Variants in CD99L2 observed in about 807,000 individuals in gnomAD.
CD99L2 encodes the protein CD99 antigen-like protein 2.
CD99L2 carries 24 observed loss-of-function variants against 27.3 expected under a neutral mutation model. The observed-to-expected ratio is 0.88, with a 90% CI of 0.64 to 1.24. The LOEUF is 1.24. Ranked by LOEUF, CD99L2 falls within the 50% of genes most tolerant of loss-of-function variation. The probability of loss-of-function intolerance (pLI) is 0.00; values close to 1 mark genes in which losing one functional copy is unlikely to be tolerated. For missense variants in CD99L2, 255 were observed against 221.6 expected (o/e 1.15, Z -0.96); for synonymous variants, 97 against 87.9 (o/e 1.10, Z -0.58).
intron 1 of CD99L2, among the ~76,000 whole-genome samples, chrX:150,836,620 C>G (rs1399757117): frequency 8.9e-6 from 1 of 111,846 alleles, no homozygotes; most frequent in African/African-American, 3.3e-5. Flanking sequence ...AGCCACTGCA[C>G]CCGGCCTAGC....
intron 2 of CD99L2, among the ~76,000 whole-genome samples, chrX:150,828,130 G>C (rs2046391764): frequency 9.0e-6 from 1 of 111,413 alleles, no homozygotes; most frequent in Non-Finnish European, 1.9e-5. Context: ...TGAATTTTAA[G>C]GTCAGCTTAT....
chrX:150,801,623 GAAAA>G (rs1393869441), intron 4 of CD99L2, among the ~76,000 whole-genome samples: 1 of 104,662 alleles, frequency 9.6e-6, no homozygotes, highest in African/African-American at 3.5e-5. Context: ...CCTTATTAAA[GAAAA>G]AAAAAACATA....
At chrX:150,796,185 G>C (rs1557419905) in intron 4 of CD99L2, among the ~76,000 whole-genome samples, 1 of 112,315 alleles carries the variant, frequency 8.9e-6, no homozygotes, top group Non-Finnish European at 1.9e-5. Context: ...GAGAGAAACA[G>C]CGATGTATCT....
intron 1 of CD99L2, among the ~76,000 whole-genome samples, chrX:150,887,393 C>A (rs1157173155): frequency 9.1e-6 from 1 of 109,335 alleles, no homozygotes; most frequent in Non-Finnish European, 1.9e-5. Context: ...TTGCAGCGAG[C>A]TGAGAGTGCG....
At chrX:150,777,827 G>C (rs1223387211) in intron 7 of CD99L2, among the ~76,000 whole-genome samples, 1 of 112,102 alleles carries the variant, frequency 8.9e-6, no homozygotes, top group Admixed American at 9.4e-5. Flanking sequence ...ATAAGTGGGG[G>C]GTGGGGTGGG....
At chrX:150,856,876 T>G (rs1164328544) in intron 1 of CD99L2, among the ~76,000 whole-genome samples, 3 of 108,809 alleles carry the variant, frequency 2.8e-5, no homozygotes, top group African/African-American at 1.0e-4. Flanking sequence ...AGTAAGACAA[T>G]TCAGGATATA....
chrX:150,841,406 G>A (rs2046621330), intron 1 of CD99L2, among the ~76,000 whole-genome samples: 2 of 112,050 alleles, frequency 1.8e-5, no homozygotes, highest in Admixed American at 1.9e-4. Context: ...ACGGTCAGGG[G>A]AAGGGAGAGG....
At chrX:150,822,937 T>C (rs1291054802) in intron 2 of CD99L2, among the ~76,000 whole-genome samples, 3 of 112,080 alleles carry the variant, frequency 2.7e-5, no homozygotes, top group African/African-American at 6.5e-5. Flanking sequence ...TGGGAGGTAA[T>C]TGAATCATGG....
intron 7 of CD99L2, among the ~76,000 whole-genome samples, chrX:150,792,604 C>T (rs2045709674): frequency 8.9e-6 from 1 of 112,067 alleles, no homozygotes; most frequent in Non-Finnish European, 1.9e-5. Flanking sequence ...CACTAGTAAC[C>T]ACAGCCAAGA....
chrX:150,779,687 A>T (rs914525894), intron 7 of CD99L2, among the ~76,000 whole-genome samples: 5 of 112,438 alleles, frequency 4.4e-5, no homozygotes, highest in African/African-American at 1.6e-4. Context: ...AAATAAAATT[A>T]CCCAACCCAA....
At chrX:150,778,683 A>T (rs1019917926) in intron 7 of CD99L2, among the ~76,000 whole-genome samples, 398 of 27,151 alleles carry the variant, frequency 0.015, 3 homozygotes, top group African/African-American at 0.029. Flanking sequence ...TAAAAAAAAA[A>T]AAATATATAT....
At chrX:150,865,853 G>T (rs1301855962) in intron 1 of CD99L2, among the ~76,000 whole-genome samples, 1 of 112,658 alleles carries the variant, frequency 8.9e-6, no homozygotes, top group Non-Finnish European at 1.9e-5. Flanking sequence ...AGGTGTGGTG[G>T]CTCCCACCTG....
intron 1 of CD99L2, among the ~76,000 whole-genome samples, chrX:150,846,901 G>A (rs782608956): frequency 8.9e-6 from 1 of 112,343 alleles, no homozygotes; most frequent in East Asian, 2.8e-4. Flanking sequence ...AACACCAATG[G>A]ATCCTGTGTA....
At chrX:150,889,686 A>G (rs11796490) in intron 1 of CD99L2, among the ~76,000 whole-genome samples, 31,853 of 111,127 alleles carry the variant, frequency 0.29, 3,462 homozygotes, top group African/African-American at 0.39. Context: ...TGTCATATCT[A>G]TAGGATTCAA....
rs2043353721 is a variant in CD99L2 at position 150,768,723 on chromosome X, G to T, written c.*311C>A. 3.1e-6 allele frequency: 1 copy of T among 320,472 alleles called. No individual in the cohort carries two copies. The highest frequency in any genetic ancestry group is 5.2e-6 in the Non-Finnish European group (1 of 193,108). 26.4% of individuals were successfully genotyped at this position (320,472 alleles called of 1,213,427 possible). A position where few individuals can be genotyped will look rare whatever the true frequency, so the allele number is the denominator to read the frequency against. On this transcript the variant is annotated 3_prime_UTR_variant, in exon 11 of 11. Transcript: ENST00000370377. ...GTCATCAGGCCTCAGCATCATCTTG[G>T]CCCCCGCATCCTGTGCTCAGTAAAG...
chrX:150,769,608 C>G (rs1485736048), intron 10 of CD99L2, among the ~76,000 whole-genome samples: 2 of 110,035 alleles, frequency 1.8e-5, no homozygotes, highest in African/African-American at 6.6e-5. Context: ...TCTCCCAGGC[C>G]CAGTCCCCAC....
At chrX:150,799,613 C>G (rs1557420034) in intron 4 of CD99L2, among the ~76,000 whole-genome samples, 2 of 111,347 alleles carry the variant, frequency 1.8e-5, no homozygotes, top group African/African-American at 6.5e-5. Context: ...GACCAATAAG[C>G]ACATGAAAAG....
At position 150,877,959 on chromosome X, in the gene CD99L2, T is replaced by TACACACAC. The variant is rs72172934; in HGVS notation, c.67+20555_67+20562dup. 8.1e-3 allele frequency among the ~76,000 whole-genome samples: 674 copies of TACACACAC among 83,048 alleles called. 14 individuals are homozygous for TACACACAC. Among genetic ancestry groups the TACACACAC allele is most frequent in the African/African-American group, 0.026 (551 of 21,258 alleles). The allele number at this position is 83,048 out of a possible 115,157, so 72.1% of individuals were successfully genotyped here. Reference sequence around the variant, plus strand: ...AGAGTAAGACCTTATCTCAAACACATACACACACACACACACACACACACA... The same window carrying TACACACAC: ...AGAGTAAGACCTTATCTCAAACACATACACACACACACACACACACACACACACACACA... On this transcript the variant is annotated intron_variant, in intron 1 of 10. Coordinates refer to ENST00000370377, the MANE Select transcript of CD99L2 (RefSeq NM_031462.4).
intron 1 of CD99L2, among the ~76,000 whole-genome samples, chrX:150,841,304 C>T (rs1318101664): frequency 2.7e-5 from 3 of 112,237 alleles, no homozygotes; most frequent in Non-Finnish European, 5.6e-5. Context: ...TTTCCATTTG[C>T]GTGTCTGTAT....
Sources: gnomAD v4.1 joint callset for allele counts (sites outside exome capture counted in the v4.1 genomes callset) on GRCh38, gnomAD v4.1.1 for gene constraint, MANE v1.5 for transcripts, NCBI Gene and HGNC (gene_info 2026-07-23, HGNC 2026-07-21) for gene names.